Variants in MYO3B observed in about 807,000 individuals in gnomAD.
The protein encoded by MYO3B is myosin IIIB.
MYO3B carries 156 observed loss-of-function variants against 174.6 expected under a neutral mutation model. The ratio of observed to expected loss-of-function variants is 0.89; its 90% CI spans 0.78 to 1.02. MYO3B has a LOEUF of 1.02. Among genes scored for constraint, MYO3B ranks in the 50% least tolerant of loss-of-function variants. The pLI is 0.00. For missense variants in MYO3B, 1,632 were observed against 1,639.4 expected, an observed-to-expected ratio of 1.00 and a Z score of 0.08; for synonymous variants, 563 against 569.1, an observed-to-expected ratio of 0.99 and a Z score of 0.15.
chr2:170,480,347 G>T (rs1388967216), intron 25 of MYO3B, among the ~76,000 whole-genome samples: 2 of 152,092 alleles, frequency 1.3e-5, no homozygotes, highest in African/African-American at 4.8e-5. Flanking sequence ...TAACCCAAGA[G>T]GTTTGGATTC....
intron 9 of MYO3B, among the ~76,000 whole-genome samples, chr2:170,375,473 G>T (rs564644874): frequency 6.6e-6 from 1 of 151,014 alleles, no homozygotes; most frequent in South Asian, 2.1e-4. Flanking sequence ...CCAAGGGTCT[G>T]TTCTAAGTAT....
At chr2:170,565,178 T>C (rs1407695858) in intron 32 of MYO3B, among the ~76,000 whole-genome samples, 1 of 152,300 alleles carries the variant, frequency 6.6e-6, no homozygotes, top group Non-Finnish European at 1.5e-5. Flanking sequence ...AAAAAGATAG[T>C]ACATGGGCTG....
chr2:170,390,351 C>G (rs1248725769), intron 14 of MYO3B, among the ~76,000 whole-genome samples: 2 of 152,072 alleles, frequency 1.3e-5, no homozygotes, highest in Non-Finnish European at 2.9e-5. Flanking sequence ...TTGCTTGAAC[C>G]CAGAAATTTG....
intron 23 of MYO3B, among the ~76,000 whole-genome samples, chr2:170,446,439 C>T (rs1424784558): frequency 6.6e-6 from 1 of 152,130 alleles, no homozygotes; most frequent in African/African-American, 2.4e-5. Context: ...TACTATCTAC[C>T]ATGGCTCAGA....
chr2:170,372,769 G>A (rs1261285215), intron 9 of MYO3B, among the ~76,000 whole-genome samples: 2 of 152,186 alleles, frequency 1.3e-5, no homozygotes, highest in Non-Finnish European at 2.9e-5. Context: ...ATGCCCTGGA[G>A]CTGCTGGGTA....
In MYO3B at chr2:170,248,785, A is replaced by T. The variant is rs374621774; in HGVS notation, c.749+12649A>T. On this transcript the variant is annotated intron_variant, in intron 7 of 34. Coordinates refer to ENST00000408978, the MANE Select transcript of MYO3B (RefSeq NM_138995.5). ...TCCAGGATAATCTTCCTATTTTGTC[A>T]GCTGATTGGTAACCATACCTGCATA... is the stretch of plus-strand genomic sequence containing the variant. Among the ~76,000 whole-genome samples, 9 of 152,310 alleles carry T rather than the reference A, an allele frequency of 5.9e-5. No individual in the cohort carries two copies. The East Asian group carries it at 1.2e-3, about 20-fold the overall frequency.
chr2:170,493,264 T>C (rs1686606714), intron 25 of MYO3B, among the ~76,000 whole-genome samples: 2 of 152,254 alleles, frequency 1.3e-5, no homozygotes, highest in South Asian at 4.1e-4. Context: ...AGGAAAATTT[T>C]ATTTTTGTGT....
chr2:170,552,974 C>A (rs1691028119), intron 32 of MYO3B, among the ~76,000 whole-genome samples: 1 of 152,204 alleles, frequency 6.6e-6, no homozygotes, highest in Non-Finnish European at 1.5e-5. Context: ...TTGGTGGCTT[C>A]CACGTGGTGT....
chr2:170,406,318 A>G (rs1329591061), intron 21 of MYO3B, among the ~76,000 whole-genome samples: 2 of 152,200 alleles, frequency 1.3e-5, no homozygotes, highest in Admixed American at 6.5e-5. Flanking sequence ...TAGGAGTTCA[A>G]TAAAAGACAT....
At chr2:170,614,016 A>T (rs1452548463) in intron 32 of MYO3B, among the ~76,000 whole-genome samples, 2 of 152,084 alleles carry the variant, frequency 1.3e-5, no homozygotes, top group Non-Finnish European at 2.9e-5. Context: ...CAAGTCCCGA[A>T]CAAGCTCCCA....
Position 170,407,887 on chromosome 2 carries a change from C to T in MYO3B, c.2650+43C>T. On this transcript the variant is annotated intron_variant, in intron 22 of 34. Transcript: ENST00000408978. ...GATAGCCCTGCTCTTAAAGCTTTTG[C>T]AAGACCAGGTGAAATTTTCCAGTTA... The T allele has an allele frequency of 2.5e-6, 4 of 1,609,190 alleles. No homozygotes were observed. In the South Asian group the frequency reaches 4.4e-5, roughly 18 times the overall value.
intron 32 of MYO3B, among the ~76,000 whole-genome samples, chr2:170,640,217 A>G (rs1022735528): frequency 1.3e-4 from 20 of 152,342 alleles, no homozygotes; most frequent in African/African-American, 4.8e-4. Flanking sequence ...TCCAGGGGTG[A>G]GGTCATGATA....
rs979953095 is a variant in MYO3B, at chr2:170,180,225, A to G, written c.2+1936A>G. ...TAGGGACTAATTCAGGGTATTCAAC[A>G]AGGGATCAGACTAGACCAATTTGGG... On this transcript the variant is annotated intron_variant, in intron 1 of 34. Transcript: ENST00000408978. The G allele has an allele frequency of 9.3e-6, 4 of 430,754 alleles. No homozygotes were observed. The Admixed American group carries it at 9.7e-5, about 10-fold the overall frequency. The allele number at this position is 430,754 out of a possible 1,614,324, so 26.7% of individuals were successfully genotyped here. A position where few individuals can be genotyped will look rare whatever the true frequency, so the allele number is the denominator to read the frequency against.
At chr2:170,250,704 G>A (rs1234379225) in intron 7 of MYO3B, among the ~76,000 whole-genome samples, 2 of 152,158 alleles carry the variant, frequency 1.3e-5, no homozygotes, top group Admixed American at 1.3e-4. Context: ...GAAGAACTGG[G>A]TCACACACAG....
At chr2:170,548,581 G>A (rs1434581122) in intron 32 of MYO3B, among the ~76,000 whole-genome samples, 1 of 152,136 alleles carries the variant, frequency 6.6e-6, no homozygotes, top group Non-Finnish European at 1.5e-5. Context: ...CTCCAGTTTT[G>A]GAGTTGAGAA....
chr2:170,539,422 G>A (rs1420051003), intron 30 of MYO3B, among the ~76,000 whole-genome samples: 1 of 152,140 alleles, frequency 6.6e-6, no homozygotes, highest in African/African-American at 2.4e-5. Flanking sequence ...ATGTTGTCGT[G>A]GTGTTAGTGG....
Position 170,409,413 on chromosome 2 carries a change from A to T in MYO3B, c.2650+1569A>T, listed in dbSNP as rs571892528. Among the ~76,000 whole-genome samples, 6 of 152,312 alleles carry T rather than the reference A, an allele frequency of 3.9e-5. No individual in the cohort carries two copies. In the South Asian group the frequency reaches 1.2e-3, roughly 32 times the overall value. ...TTGAAACTACACTCCACACCACTTGATAGAAACAAAAGTGAAAAATAAGAC... is the reference window on the plus strand; with the variant it reads ...TTGAAACTACACTCCACACCACTTGTTAGAAACAAAAGTGAAAAATAAGAC... On this transcript the variant is annotated intron_variant, in intron 22 of 34. Transcript: ENST00000408978.
intron 7 of MYO3B, among the ~76,000 whole-genome samples, chr2:170,289,736 A>T (rs2093583299): frequency 6.6e-6 from 1 of 150,830 alleles, no homozygotes. Context: ...CTTTCCTTTT[A>T]CTAATTTGGG....
At position 170,186,709 on chromosome 2, in the gene MYO3B, C is replaced by T. The variant is rs562354073; in HGVS notation, c.2+8420C>T. ...TTGAGTAGGATTGGCATTAGTTCTTCTTTAAATGTTTAGTAAAATTCAGCA... is the reference window on the plus strand; with the variant it reads ...TTGAGTAGGATTGGCATTAGTTCTTTTTTAAATGTTTAGTAAAATTCAGCA... On this transcript the variant is annotated intron_variant, in intron 1 of 34. Coordinates refer to ENST00000408978, the MANE Select transcript of MYO3B (RefSeq NM_138995.5). 8.5e-5 allele frequency among the ~76,000 whole-genome samples: 13 copies of T among 152,236 alleles called. No homozygotes were observed. The East Asian group carries it at 2.5e-3, about 29-fold the overall frequency.
Sources: gnomAD v4.1 joint callset for allele counts (sites outside exome capture counted in the v4.1 genomes callset) on GRCh38, gnomAD v4.1.1 for gene constraint, MANE v1.5 for transcripts, NCBI Gene and HGNC (gene_info 2026-07-23, HGNC 2026-07-21) for gene names.